MTUS2: variants seen among roughly 807,000 people sequenced by gnomAD.
MTUS2 encodes microtubule-associated tumor suppressor candidate 2.
A neutral mutation model predicts 114.1 loss-of-function variants in MTUS2; 40 were observed. The ratio of observed to expected loss-of-function variants is 0.35; its 90% confidence interval spans 0.27 to 0.46. The LOEUF is 0.46. Among genes scored for constraint, MTUS2 ranks in the 20% least tolerant of loss-of-function variants. The probability of loss-of-function intolerance (pLI) is 1.00; values close to 1 mark genes in which losing one functional copy is unlikely to be tolerated. For synonymous variants in MTUS2, 688 were observed against 672.0 expected (o/e 1.02, Z -0.37); for missense variants, 1,679 against 1,705.4 (o/e 0.98, Z 0.27).
intron 2 of MTUS2, among the ~76,000 whole-genome samples, chr13:28,954,756 T>TG (rs1327729398): frequency 6.6e-6 from 1 of 151,994 alleles, no homozygotes; most frequent in Non-Finnish European, 1.5e-5. Context: ...GAGAGGGGAA[T>TG]GATCAGGTTA....
chr13:28,926,265 G>A (rs1369186351), intron 2 of MTUS2, among the ~76,000 whole-genome samples: 2 of 152,198 alleles, frequency 1.3e-5, no homozygotes, highest in Non-Finnish European at 1.5e-5. Context: ...AGAAGATGAT[G>A]TTAATACCAG....
At chr13:29,459,108 A>C (rs1879311075) in intron 9 of MTUS2, among the ~76,000 whole-genome samples, 1 of 152,234 alleles carries the variant, frequency 6.6e-6, no homozygotes, top group Non-Finnish European at 1.5e-5. Context: ...CTTGGACCCA[A>C]GCGGAGTCAC....
intron 8 of MTUS2, among the ~76,000 whole-genome samples, chr13:29,394,657 T>C (rs984457937): frequency 6.6e-6 from 1 of 152,198 alleles, no homozygotes; most frequent in Non-Finnish European, 1.5e-5. Context: ...CCCAACCCCC[T>C]GGCCACGAAC....
chr13:28,837,381 A>G (rs2153666), intron 1 of MTUS2, among the ~76,000 whole-genome samples: 75,257 of 151,916 alleles, frequency 0.5, 19,264 homozygotes, highest in Non-Finnish European at 0.53. Flanking sequence ...AGCTCTTCCT[A>G]CCTCTTACAT....
At chr13:29,212,234 A>G (rs899218493) in intron 5 of MTUS2, among the ~76,000 whole-genome samples, 10 of 152,124 alleles carry the variant, frequency 6.6e-5, no homozygotes, top group Non-Finnish European at 7.3e-5. Context: ...TAGTTTGCAC[A>G]TATTTAGGGA....
Position 29,213,692 on chromosome 13 carries a change from C to T in MTUS2, c.2645-68012C>T, listed in dbSNP as rs146971210. Among the ~76,000 whole-genome samples, 175 of 152,236 alleles carry T rather than the reference C, an allele frequency of 1.1e-3. 2 individuals carry two copies. The highest frequency in any genetic ancestry group is 6.9e-3 in the Admixed American group (105 of 15,296). On this transcript the variant is annotated intron_variant, in intron 5 of 15. Transcript: ENST00000612955. Reference sequence around the variant, plus strand: ...TTCAGCATGGAATAATCTTTTCATACTAACCTTTTCATCTATTTGTCTATT... The same window carrying T: ...TTCAGCATGGAATAATCTTTTCATATTAACCTTTTCATCTATTTGTCTATT...
chr13:28,917,055 A>G (rs1249584137), intron 2 of MTUS2, among the ~76,000 whole-genome samples: 1 of 151,842 alleles, frequency 6.6e-6, no homozygotes, highest in South Asian at 2.1e-4. Context: ...TTCTGTTGAA[A>G]TGATGTATCA....
chr13:28,844,190 C>T (rs1875704817), intron 2 of MTUS2, among the ~76,000 whole-genome samples: 6 of 152,142 alleles, frequency 3.9e-5, no homozygotes, highest in Admixed American at 3.9e-4. Context: ...TTTCCTGGGG[C>T]AGAAGCTGGG....
At chr13:29,184,541 G>A (rs1287942635) in intron 5 of MTUS2, among the ~76,000 whole-genome samples, 2 of 152,172 alleles carry the variant, frequency 1.3e-5, no homozygotes, top group African/African-American at 4.8e-5. Context: ...ATGTGGAGTT[G>A]TAGACTTCTT....
intron 2 of MTUS2, among the ~76,000 whole-genome samples, chr13:29,004,217 C>CATGCATGT (rs1353086789): frequency 4.0e-5 from 6 of 150,968 alleles, no homozygotes; most frequent in African/African-American, 1.5e-4. Flanking sequence ...TGCATGCATG[C>CATGCATGT]ATGTACATGC....
intron 8 of MTUS2, among the ~76,000 whole-genome samples, chr13:29,429,855 G>A (rs1666688074): frequency 6.6e-6 from 1 of 152,266 alleles, no homozygotes; most frequent in South Asian, 2.1e-4. Flanking sequence ...TCAAAAAGCG[G>A]TCACTTGGGA....
chr13:29,047,018 C>T (rs971638302), intron 4 of MTUS2, among the ~76,000 whole-genome samples: 1 of 152,232 alleles, frequency 6.6e-6, no homozygotes, highest in African/African-American at 2.4e-5. Flanking sequence ...CTCGTGCCCC[C>T]TTGTTCAGGT....
chr13:29,389,050 C>T (rs924144387), intron 8 of MTUS2, among the ~76,000 whole-genome samples: 3 of 151,946 alleles, frequency 2.0e-5, no homozygotes, highest in African/African-American at 4.8e-5. Context: ...CTGTAAACTC[C>T]GCTAATTAAC....
In MTUS2 at chr13:29,496,010, A is replaced by G. The variant is rs1477337372; in HGVS notation, c.3580-1228A>G. ...GAGACCCTAGTTTCTGTGTTTTGAT[A>G]TTACAGAAATGGTCCTGTGCAAAGA... On this transcript the variant is annotated intron_variant, in intron 12 of 15. Coordinates refer to ENST00000612955, the MANE Select transcript of MTUS2 (RefSeq NM_001033602.4). The surrounding 1 kb of genome is among the most constrained non-coding windows in gnomAD (Gnocchi z 4.3). Among the ~76,000 whole-genome samples the G allele has an allele frequency of 6.6e-6, 1 of 152,078 alleles. No homozygotes were observed. The highest frequency in any genetic ancestry group is 6.5e-5 in the Admixed American group (1 of 15,272).
chr13:29,448,218 A>G (rs998359916), intron 9 of MTUS2, among the ~76,000 whole-genome samples: 4 of 152,158 alleles, frequency 2.6e-5, no homozygotes, highest in African/African-American at 7.2e-5. Context: ...CGGTGATACA[A>G]TGGAGCCTTC....
At chr13:29,268,143 C>G (rs934246567) in intron 5 of MTUS2, among the ~76,000 whole-genome samples, 1 of 152,090 alleles carries the variant, frequency 6.6e-6, no homozygotes, top group African/African-American at 2.4e-5. Flanking sequence ...GCTCTCCCTC[C>G]CCTAGTTCCC....
chr13:29,350,841 TTTC>T (rs143119283), intron 7 of MTUS2, among the ~76,000 whole-genome samples: 6,241 of 151,840 alleles, frequency 0.041, 393 homozygotes, highest in African/African-American at 0.14. Context: ...TGCTCTCATA[TTTC>T]TTCTTATAAG....
At chr13:29,421,257 G>A (rs777655573) in intron 8 of MTUS2, among the ~76,000 whole-genome samples, 6 of 152,094 alleles carry the variant, frequency 3.9e-5, no homozygotes, top group Admixed American at 6.5e-5. Context: ...ATATTTTCCT[G>A]GCCCTGGCAG....
chr13:29,491,889 ATGTG>A (rs902359744), intron 11 of MTUS2, among the ~76,000 whole-genome samples: 2 of 100,074 alleles, frequency 2.0e-5, no homozygotes, highest in Admixed American at 1.1e-4. Context: ...GTGGGTGTGT[ATGTG>A]TGCGTGGCGT....
Sources: allele counts gnomAD v4.1 joint callset (sites outside exome capture counted in the v4.1 genomes callset), GRCh38; gene constraint gnomAD v4.1.1; non-coding constraint Gnocchi (gnomAD v3.1); transcripts MANE v1.5; gene names NCBI Gene and HGNC (gene_info 2026-07-23, HGNC 2026-07-21).